NIPBL: variants seen among roughly 807,000 people sequenced by gnomAD.
NIPBL encodes the protein NIPBL cohesin loading factor.
In NIPBL, 19 loss-of-function variants were observed where a neutral mutation model predicts 321.8. The ratio of observed to expected loss-of-function variants is 0.06; its 90% CI spans 0.04 to 0.09. NIPBL has a LOEUF of 0.09. Ranked by LOEUF, NIPBL falls within the 10% of genes least tolerant of loss-of-function variation. NIPBL has a pLI of 1.00. For missense variants in NIPBL, 2,210 were observed against 3,327.0 expected, an observed-to-expected ratio of 0.66 and a Z score of 8.26; for synonymous variants, 1,106 against 1,114.1, an observed-to-expected ratio of 0.99 and a Z score of 0.14.
At chr5:36,990,993 T>TA (rs34629109) in intron 10 of NIPBL, among the ~76,000 whole-genome samples, 2,079 of 146,282 alleles carry the variant, frequency 0.014, 51 homozygotes, top group African/African-American at 0.049. Context: ...TTTTATATTC[T>TA]AAAAAAAAAA....
chr5:37,001,192 T>A, intron 14 of NIPBL, 114 bp downstream of exon 14: 1 of 732,452 alleles, frequency 1.4e-6, no homozygotes, highest in Non-Finnish European at 2.4e-6. Flanking sequence ...TACTGGTTGT[T>A]GTTGTGATCA....
At chr5:36,894,355 T>C (rs950207926) in intron 1 of NIPBL, among the ~76,000 whole-genome samples, 1 of 152,186 alleles carries the variant, frequency 6.6e-6, no homozygotes, top group Non-Finnish European at 1.5e-5. Context: ...TCTATTTATA[T>C]GAGAAGTTTG....
At chr5:37,011,701 CTTT>C (rs1280815332) in intron 21 of NIPBL, among the ~76,000 whole-genome samples, 1 of 152,028 alleles carries the variant, frequency 6.6e-6, no homozygotes, top group African/African-American at 2.4e-5. Flanking sequence ...TTCTTTCTTT[CTTT>C]TAATTATTTT....
intron 10 of NIPBL, chr5:36,995,068 C>G (rs1281275581): frequency 2.6e-5 from 4 of 152,374 alleles, no homozygotes; most frequent in Non-Finnish European, 5.9e-5. Context: ...ATTACCATGC[C>G]CTCAAATAGA....
chr5:36,917,876 G>C (rs563825863), intron 1 of NIPBL, among the ~76,000 whole-genome samples: 9 of 152,004 alleles, frequency 5.9e-5, no homozygotes, highest in African/African-American at 1.4e-4. Flanking sequence ...CTGTTCCATT[G>C]GTCTATATCT....
rs1459180533 is a variant in NIPBL at position 36,985,534 on chromosome 5, A to T, written c.2354A>T (p.Asp785Val). Residue 785 changes from aspartate (D) to valine (V), a missense_variant, in exon 10 of 47, where the codon GAT becomes GTT. By Grantham distance (152) the Asp-to-Val change is radical (BLOSUM62 -3). This residue lies in a region of NIPBL where 588 missense variants were observed against 564.1 expected (regional missense o/e 1.04). Transcript: ENST00000282516. ...CCTGAAGTGTCTAAACATAAACAAG[A>T]TACTAAATCTGACTCACCTCGGTTA... The part of the protein sequence containing the change: ...KKPEVSKHKQ[D>V]TKSDSPRLKS... The T allele has an allele frequency of 1.2e-6, 2 of 1,613,770 alleles. No individual in the cohort carries two copies. Among genetic ancestry groups the T allele is most frequent in the Non-Finnish European group, 1.7e-6 (2 of 1,179,952 alleles).
intron 20 of NIPBL, among the ~76,000 whole-genome samples, chr5:37,009,718 C>G (rs1181719443): frequency 6.6e-6 from 1 of 152,198 alleles, no homozygotes; most frequent in Non-Finnish European, 1.5e-5. Flanking sequence ...AAATGAATAA[C>G]AGATTCAGCA....
chr5:37,011,061 T>C (rs1481478172), intron 21 of NIPBL, among the ~76,000 whole-genome samples: 2 of 152,118 alleles, frequency 1.3e-5, no homozygotes, highest in Non-Finnish European at 2.9e-5. Context: ...ATGTGGAAAA[T>C]GAGTTTATTC....
chr5:37,001,859 A>G (rs1444153020), intron 14 of NIPBL, among the ~76,000 whole-genome samples: 3 of 152,194 alleles, frequency 2.0e-5, no homozygotes, highest in African/African-American at 7.2e-5. Context: ...ATCTTATGCC[A>G]CCTTCAGCTG....
intron 18 of NIPBL, among the ~76,000 whole-genome samples, chr5:37,007,717 A>G (rs1747608493): frequency 6.6e-6 from 1 of 152,000 alleles, no homozygotes; most frequent in Non-Finnish European, 1.5e-5. Context: ...TTATATTTTC[A>G]TGCAGATATT....
intron 33 of NIPBL, among the ~76,000 whole-genome samples, chr5:37,037,564 TCTAA>T: frequency 6.6e-6 from 1 of 150,758 alleles, no homozygotes; most frequent in South Asian, 2.1e-4. Flanking sequence ...GCCAATAGCC[TCTAA>T]CAGCCGTCCA....
At chr5:37,011,062 G>A (rs566754760) in intron 21 of NIPBL, among the ~76,000 whole-genome samples, 1 of 152,260 alleles carries the variant, frequency 6.6e-6, no homozygotes, top group African/African-American at 2.4e-5. Flanking sequence ...TGTGGAAAAT[G>A]AGTTTATTCC....
chr5:36,933,155 T>C (rs1749909282), intron 1 of NIPBL, among the ~76,000 whole-genome samples: 1 of 152,138 alleles, frequency 6.6e-6, no homozygotes, highest in African/African-American at 2.4e-5. Context: ...GTAGATAAGT[T>C]TTTAAAAACA....
chr5:37,039,654 A>G (rs1249333395), intron 34 of NIPBL, among the ~76,000 whole-genome samples: 1 of 152,144 alleles, frequency 6.6e-6, no homozygotes, highest in Admixed American at 6.5e-5. Context: ...GGTTTCTCAC[A>G]TACTGTGTTC....
rs1755236045 is a variant in NIPBL, at chr5:37,064,932, A to T, written c.*40A>T. Reference sequence around the variant, plus strand: ...CAGCCAAATTTACAGGAATTTTTTTAAAAGGCAGAAAAACTTGAAATACCA... The same window carrying T: ...CAGCCAAATTTACAGGAATTTTTTTTAAAGGCAGAAAAACTTGAAATACCA... On this transcript the variant is annotated 3_prime_UTR_variant, in exon 47 of 47. Transcript: ENST00000282516. 3.1e-6 allele frequency: 5 copies of T among 1,612,928 alleles called. No homozygotes were observed. The highest frequency in any genetic ancestry group is 2.2e-5 in the East Asian group (1 of 44,898).
intron 1 of NIPBL, among the ~76,000 whole-genome samples, chr5:36,896,851 T>TA (rs1356901019): frequency 6.6e-6 from 1 of 152,106 alleles, no homozygotes; most frequent in East Asian, 1.9e-4. Context: ...CTGCCTGCCT[T>TA]AGCCTCCCAA....
At chr5:37,008,777 C>T (rs1180937636) in intron 20 of NIPBL, 54 bp downstream of exon 20, 4 of 892,290 alleles carry the variant, frequency 4.5e-6, no homozygotes, top group Non-Finnish European at 7.6e-6. Flanking sequence ...TTATATTGAA[C>T]CGTCATACAT....
At chr5:37,037,356 C>T (rs1021535710) in intron 33 of NIPBL, among the ~76,000 whole-genome samples, 3 of 149,646 alleles carry the variant, frequency 2.0e-5, no homozygotes, top group Admixed American at 2.0e-4. Context: ...CCACTGCACT[C>T]CAGCCTGGGT....
intron 34 of NIPBL, 39 bp from the exon 35 acceptor site, chr5:37,044,308 G>A: frequency 6.3e-7 from 1 of 1,590,246 alleles, no homozygotes; most frequent in South Asian, 1.1e-5. Context: ...TTCTTTTCAG[G>A]TTTTGGATAT....
Sources: allele counts gnomAD v4.1 joint callset (sites outside exome capture counted in the v4.1 genomes callset), GRCh38; gene constraint gnomAD v4.1.1; regional missense constraint gnomAD v4.1.1; transcripts MANE v1.5; gene names NCBI Gene and HGNC (gene_info 2026-07-23, HGNC 2026-07-21).